The following HOMER2 variants were observed in gnomAD, a reference collection of about 807,000 sequenced individuals.
HOMER2 encodes homer scaffold protein 2, also known as homer protein homolog 2.
HOMER2 carries 27 observed loss-of-function variants against 47.0 expected under a neutral mutation model. The ratio of observed to expected loss-of-function variants is 0.57; its 90% CI spans 0.42 to 0.79. HOMER2 has a LOEUF of 0.79. HOMER2 is among the 30% of genes least tolerant of loss of function. The probability of loss-of-function intolerance (pLI) is 0.00; values close to 1 mark genes in which losing one functional copy is unlikely to be tolerated. For synonymous variants in HOMER2, 161 were observed against 163.8 expected (o/e 0.98, Z 0.13); for missense variants, 443 against 435.0 (o/e 1.02, Z -0.16).
chr15:82,870,139 A>G (rs1399655681), intron 3 of HOMER2, among the ~76,000 whole-genome samples: 1 of 152,232 alleles, frequency 6.6e-6, no homozygotes, highest in Non-Finnish European at 1.5e-5. Context: ...GCCATTGAAG[A>G]CCTGAAGCAA....
At chr15:82,841,735 A>G (rs975178545) in exon 2 of HOMER2, 2 of 152,250 alleles carry the variant, frequency 1.3e-5, no homozygotes, top group Non-Finnish European at 2.9e-5. Flanking sequence ...AACCTTTAGA[A>G]TAATTCAGTA....
intron 1 of HOMER2, among the ~76,000 whole-genome samples, chr15:82,910,160 A>AAAG (rs2053412416): frequency 6.7e-6 from 1 of 149,662 alleles, no homozygotes; most frequent in African/African-American, 2.5e-5. Context: ...AAAAAAAAAA[A>AAAG]GGCTAACTTG....
At chr15:82,855,145 G>A (rs1357594806) in intron 5 of HOMER2, among the ~76,000 whole-genome samples, 1 of 151,890 alleles carries the variant, frequency 6.6e-6, no homozygotes, top group Non-Finnish European at 1.5e-5. Flanking sequence ...GACCATCCTG[G>A]CCAACATGGT....
At chr15:82,915,017 A>G (rs969160029) in intron 1 of HOMER2, among the ~76,000 whole-genome samples, 2 of 152,136 alleles carry the variant, frequency 1.3e-5, no homozygotes, top group African/African-American at 4.8e-5. Context: ...GACAAAAAAT[A>G]CAAAAACTAG....
chr15:82,977,329 G>A (rs2030240317), intron 1 of HOMER2, among the ~76,000 whole-genome samples: 1 of 152,106 alleles, frequency 6.6e-6, no homozygotes, highest in Admixed American at 6.5e-5. Context: ...GTGCAAACGG[G>A]GTGCCTGGGA....
In HOMER2 at chr15:82,849,577, G is replaced by C; in HGVS notation, c.*138C>G. On this transcript the variant is annotated 3_prime_UTR_variant, in exon 9 of 9. Coordinates refer to ENST00000450735, the MANE Select transcript of HOMER2 (RefSeq NM_004839.4). ...TTTCTATTCTGAAAAGGAGTGAGTG[G>C]ACGGCACAACTGGTTTGGAAACACG... 1 of 681,802 alleles carries C rather than the reference G, an allele frequency of 1.5e-6. No individual in the cohort carries two copies. The highest frequency in any genetic ancestry group is 2.0e-5 in the South Asian group (1 of 50,724). The allele number at this position is 681,802 out of a possible 1,614,324, so 42.2% of individuals were successfully genotyped here. A position where few individuals can be genotyped will look rare whatever the true frequency, so the allele number is the denominator to read the frequency against.
chr15:82,842,908 T>C (rs1423324243), exon 2 of HOMER2: 1 of 152,080 alleles, frequency 6.6e-6, no homozygotes, highest in East Asian at 1.9e-4. Context: ...TTTAAAATTT[T>C]TTTTAGAGAC....
intron 2 of HOMER2, among the ~76,000 whole-genome samples, chr15:82,876,856 G>T (rs753218618): frequency 6.6e-6 from 1 of 152,206 alleles, no homozygotes; most frequent in African/African-American, 2.4e-5. Context: ...GATACAAACC[G>T]TTGCCTTAAC....
intron 1 of HOMER2, among the ~76,000 whole-genome samples, chr15:82,977,643 G>A (rs1474996745): frequency 1.3e-5 from 2 of 152,162 alleles, no homozygotes; most frequent in East Asian, 3.9e-4. Flanking sequence ...TGGAGATGAA[G>A]AGACATCACA....
At chr15:82,974,875 G>C (rs1439873197) in intron 1 of HOMER2, among the ~76,000 whole-genome samples, 2 of 152,196 alleles carry the variant, frequency 1.3e-5, no homozygotes, top group East Asian at 3.9e-4. Flanking sequence ...TTCGACACCA[G>C]CCTGGCCAAC....
chr15:82,842,918 C>T (rs1270252241), exon 2 of HOMER2: 2 of 151,864 alleles, frequency 1.3e-5, no homozygotes, highest in East Asian at 3.9e-4. Flanking sequence ...TTTTTAGAGA[C>T]AGGGTCTTGC....
intron 5 of HOMER2, among the ~76,000 whole-genome samples, chr15:82,855,324 C>G (rs1431673998): frequency 8.3e-5 from 1 of 12,050 alleles, no homozygotes; most frequent in East Asian, 4.6e-3. Flanking sequence ...GACTCCATCT[C>G]CAAAAAAAAA....
exon 2 of HOMER2, chr15:82,837,282 G>T (rs931736950): frequency 6.6e-6 from 1 of 152,234 alleles, no homozygotes; most frequent in Non-Finnish European, 1.5e-5. Flanking sequence ...CATCTGAAGG[G>T]CCCTTTTGCC....
rs554592484 is a variant in HOMER2, at chr15:82,944,198, C to T, written c.5+8333G>A. ...TAACAGCACCCCGGTGGCAGAACTA[C>T]TGGAGTCTTCATCATGCATTCAGAG... is the stretch of plus-strand genomic sequence containing the variant. On this transcript the variant is annotated intron_variant, in intron 1 of 8. Coordinates refer to ENST00000450735, the MANE Select transcript of HOMER2 (RefSeq NM_004839.4). Among the ~76,000 whole-genome samples, 3 of 152,282 alleles carry T rather than the reference C, an allele frequency of 2.0e-5. No homozygotes were observed. In the South Asian group the frequency reaches 6.2e-4, roughly 32 times the overall value.
upstream of HOMER2, among the ~76,000 whole-genome samples, chr15:82,955,500 T>C (rs2054579536): frequency 6.6e-6 from 1 of 152,226 alleles, no homozygotes; most frequent in Admixed American, 6.5e-5. Context: ...AAAATTAGGC[T>C]CACCATGTAC....
chr15:82,925,241 C>T (rs2053826076), intron 1 of HOMER2, among the ~76,000 whole-genome samples: 1 of 152,328 alleles, frequency 6.6e-6, no homozygotes, highest in Middle Eastern at 3.4e-3. Flanking sequence ...GGTTTCACAG[C>T]CCCTGCAGGT....
chr15:82,880,735 T>C (rs1226276186), intron 2 of HOMER2, among the ~76,000 whole-genome samples: 1 of 152,048 alleles, frequency 6.6e-6, no homozygotes, highest in East Asian at 1.9e-4. Flanking sequence ...GATACGAGAC[T>C]TGAGTAAACT....
At chr15:82,924,403 T>C (rs2053807719) in intron 1 of HOMER2, among the ~76,000 whole-genome samples, 1 of 140,304 alleles carries the variant, frequency 7.1e-6, no homozygotes, top group Non-Finnish European at 1.5e-5. Flanking sequence ...GAACAGCCCC[T>C]GCTTGTTCCC....
rs778221424 is a variant in HOMER2, at chr15:82,913,953, C to A, written c.6-21112G>T. ...AGGTTCAAAGCAGCATTATTCACAA[C>A]AGCCACAAAGTAGAAACGACCCAAA... On this transcript the variant is annotated intron_variant, in intron 1 of 8. Coordinates refer to ENST00000450735, the MANE Select transcript of HOMER2 (RefSeq NM_004839.4). The surrounding 1 kb of genome is among the most constrained non-coding windows in gnomAD (Gnocchi z 4.1). 6.6e-6 allele frequency among the ~76,000 whole-genome samples: 1 copy of A among 152,122 alleles called. No individual in the cohort carries two copies. Among genetic ancestry groups the A allele is most frequent in the Non-Finnish European group, 1.5e-5 (1 of 68,032 alleles).
Sources: gnomAD v4.1 joint callset for allele counts (sites outside exome capture counted in the v4.1 genomes callset) on GRCh38, gnomAD v4.1.1 for gene constraint, Gnocchi (gnomAD v3.1) non-coding constraint, MANE v1.5 for transcripts, NCBI Gene and HGNC (gene_info 2026-07-23, HGNC 2026-07-21) for gene names.